Variants in NEURL1 observed in about 807,000 individuals in gnomAD.
NEURL1 encodes E3 ubiquitin-protein ligase NEURL1.
NEURL1 carries 26 observed loss-of-function variants against 41.2 expected under a neutral mutation model. That is an observed-to-expected ratio of 0.63 (90% CI 0.46 to 0.87). The LOEUF is 0.87. NEURL1 is among the 40% of genes least tolerant of loss of function. The pLI is 0.00. For missense variants in NEURL1, 761 were observed against 871.1 expected (o/e 0.87, Z 1.59); for synonymous variants, 400 against 402.3 (o/e 0.99, Z 0.07).
chr10:103,585,570 C>T (rs7100958), intron 4 of NEURL1, among the ~76,000 whole-genome samples: 28,349 of 152,158 alleles, frequency 0.19, 2,901 homozygotes, highest in South Asian at 0.26. Context: ...TGCGGTGGCT[C>T]ACGCCTGTAA....
intron 1 of NEURL1, among the ~76,000 whole-genome samples, chr10:103,513,413 G>T (rs1301981204): frequency 6.6e-6 from 1 of 152,210 alleles, no homozygotes; most frequent in African/African-American, 2.4e-5. Flanking sequence ...GCTTTGGGGA[G>T]GCCCCACTGG....
At chr10:103,499,110 A>T (rs922428944) in intron 1 of NEURL1, among the ~76,000 whole-genome samples, 5 of 152,210 alleles carry the variant, frequency 3.3e-5, no homozygotes, top group Non-Finnish European at 7.3e-5. Flanking sequence ...TACTTCACAA[A>T]GTCACTGGTT....
At chr10:103,578,200 C>T (rs1264620589) in intron 3 of NEURL1, among the ~76,000 whole-genome samples, 2 of 152,162 alleles carry the variant, frequency 1.3e-5, no homozygotes, top group Admixed American at 6.5e-5. Context: ...ATACACACCC[C>T]ACTTACCTCA....
At chr10:103,540,943 TG>T (rs1349915065) in intron 1 of NEURL1, among the ~76,000 whole-genome samples, 1 of 152,196 alleles carries the variant, frequency 6.6e-6, no homozygotes, top group Non-Finnish European at 1.5e-5. Flanking sequence ...TGCTCCCACA[TG>T]GGGATGCCCT....
chr10:103,563,901 G>C (rs1430007975), intron 1 of NEURL1, among the ~76,000 whole-genome samples: 1 of 152,232 alleles, frequency 6.6e-6, no homozygotes, highest in Non-Finnish European at 1.5e-5. Context: ...ATCTGTGCCA[G>C]AGTGGCATTG....
At chr10:103,536,481 T>G (rs1193269486) in intron 1 of NEURL1, among the ~76,000 whole-genome samples, 2 of 152,106 alleles carry the variant, frequency 1.3e-5, no homozygotes, top group South Asian at 4.2e-4. Flanking sequence ...GAGGCAGAGG[T>G]TGCAGTGAGC....
At chr10:103,525,032 T>C (rs2034432221) in intron 1 of NEURL1, among the ~76,000 whole-genome samples, 1 of 152,180 alleles carries the variant, frequency 6.6e-6, no homozygotes, top group African/African-American at 2.4e-5. Flanking sequence ...GGTGGTATGG[T>C]AATGTTCACA....
At chr10:103,527,078 G>A (rs1471234234) in intron 1 of NEURL1, among the ~76,000 whole-genome samples, 2 of 152,044 alleles carry the variant, frequency 1.3e-5, no homozygotes, top group African/African-American at 4.8e-5. Flanking sequence ...TGGATTATTC[G>A]AGTTTTCCAG....
At chr10:103,542,451 CA>C (rs1291909396) in intron 1 of NEURL1, among the ~76,000 whole-genome samples, 1 of 152,058 alleles carries the variant, frequency 6.6e-6, no homozygotes, top group African/African-American at 2.4e-5. Context: ...TTTGTAGGGA[CA>C]GGGTCTTGCT....
In NEURL1 at chr10:103,571,764, C is replaced by T. The variant is rs775831880; in HGVS notation, c.591C>T (p.Ala197=). 30 of 1,613,618 alleles carry T rather than the reference C, an allele frequency of 1.9e-5. No individual in the cohort carries two copies. The Admixed American group carries it at 3.2e-4, about 17-fold the overall frequency. The change falls in exon 3 of 6, where the codon GCC becomes GCT. Residue 197 remains alanine (A), a synonymous_variant. Coordinates refer to ENST00000369780, the MANE Select transcript of NEURL1 (RefSeq NM_004210.5). ...VMLFFSGVRT[A]DPLWALVDVY... is the part of the protein sequence containing the mutation. ...TGTTCTTCAGCGGGGTCCGCACGGC[C>T]GACCCGCTCTGGGCCCTGGTGGACG...
intron 1 of NEURL1, among the ~76,000 whole-genome samples, chr10:103,559,483 G>A (rs1231086817): frequency 6.6e-6 from 1 of 152,106 alleles, no homozygotes; most frequent in Non-Finnish European, 1.5e-5. Flanking sequence ...CTGAGGGGTG[G>A]GTGGGGTAGC....
rs1480362458 is a variant in NEURL1 at position 103,556,335 on chromosome 10, G to A, written c.86-14537G>A. Among the ~76,000 whole-genome samples the A allele has an allele frequency of 6.6e-6, 1 of 152,134 alleles. No homozygotes were observed. Among genetic ancestry groups the A allele is most frequent in the African/African-American group, 2.4e-5 (1 of 41,426 alleles). Reference sequence around the variant, plus strand: ...GTCTTCCCTGGGCCCTGGGAACTGGGGTCCTTTACAAACCAGCCAGAACAG... The same window carrying A: ...GTCTTCCCTGGGCCCTGGGAACTGGAGTCCTTTACAAACCAGCCAGAACAG... On this transcript the variant is annotated intron_variant, in intron 1 of 5. Transcript: ENST00000369780. The surrounding 1 kb of genome is among the most constrained non-coding windows in gnomAD (Gnocchi z 4.4).
chr10:103,575,515 T>G (rs1439142947), intron 3 of NEURL1, among the ~76,000 whole-genome samples: 1 of 152,256 alleles, frequency 6.6e-6, no homozygotes, highest in Non-Finnish European at 1.5e-5. Context: ...CCAGGGTAGC[T>G]GGCACATAGT....
In NEURL1 at chr10:103,556,619, A is replaced by G. The variant is rs1177143727; in HGVS notation, c.86-14253A>G. Among the ~76,000 whole-genome samples the G allele has an allele frequency of 6.6e-6, 1 of 152,200 alleles. No homozygotes were observed. The highest frequency in any genetic ancestry group is 1.5e-5 in the Non-Finnish European group (1 of 68,038). On this transcript the variant is annotated intron_variant, in intron 1 of 5. Coordinates refer to ENST00000369780, the MANE Select transcript of NEURL1 (RefSeq NM_004210.5). This position sits in a 1 kb window ranked among gnomAD's most constrained non-coding sequence, Gnocchi z 4.4. ...TTTCTAATTAAAAAAGAAAAAAGAC[A>G]GGGAAAGATGTAGGAAAAGCAAATC...
chr10:103,542,195 C>T lies in NEURL1; in HGVS notation c.86-28677C>T, dbSNP rs549828373. On this transcript the variant is annotated intron_variant, in intron 1 of 5. Coordinates refer to ENST00000369780, the MANE Select transcript of NEURL1 (RefSeq NM_004210.5). Reference sequence around the variant, plus strand: ...CTGTATGTGAGAATTGCTTGGGGAGCTGGGCCCCACACTTCAGATTTCTCT... The same window carrying T: ...CTGTATGTGAGAATTGCTTGGGGAGTTGGGCCCCACACTTCAGATTTCTCT... Among the ~76,000 whole-genome samples, 40 of 152,304 alleles carry T rather than the reference C, an allele frequency of 2.6e-4. No individual in the cohort carries two copies. The South Asian group carries it at 8.1e-3, about 31-fold the overall frequency.
intron 1 of NEURL1, among the ~76,000 whole-genome samples, chr10:103,530,884 T>C (rs1354504935): frequency 2.6e-5 from 4 of 152,110 alleles, no homozygotes. Context: ...TTTTGTGGCC[T>C]AAAATGTGGT....
chr10:103,520,923 A>G (rs893718376), intron 1 of NEURL1, among the ~76,000 whole-genome samples: 2 of 152,186 alleles, frequency 1.3e-5, no homozygotes, highest in African/African-American at 4.8e-5. Context: ...GAGAAACTAA[A>G]CGGAAGACAC....
At chr10:103,500,515 T>C (rs535892281) in intron 1 of NEURL1, among the ~76,000 whole-genome samples, 2 of 152,306 alleles carry the variant, frequency 1.3e-5, no homozygotes, top group South Asian at 4.1e-4. Context: ...CTGTCTTTCA[T>C]TGTGGGAGAG....
At chr10:103,579,721 C>A (rs991044870) in intron 3 of NEURL1, among the ~76,000 whole-genome samples, 1 of 152,160 alleles carries the variant, frequency 6.6e-6, no homozygotes, top group African/African-American at 2.4e-5. Flanking sequence ...GCCAGCAGAT[C>A]ACTTGAGCTG....
Sources: gnomAD v4.1 joint callset for allele counts (sites outside exome capture counted in the v4.1 genomes callset) on GRCh38, gnomAD v4.1.1 for gene constraint, Gnocchi (gnomAD v3.1) non-coding constraint, MANE v1.5 for transcripts, NCBI Gene and HGNC (gene_info 2026-07-23, HGNC 2026-07-21) for gene names.